Variants in CAMTA1 observed in about 807,000 individuals in gnomAD.
CAMTA1 encodes calmodulin-binding transcription activator 1.
A neutral mutation model predicts 170.9 loss-of-function variants in CAMTA1; 27 were observed. That is an observed-to-expected ratio of 0.16 (90% confidence interval 0.12 to 0.22). The LOEUF (loss-of-function observed/expected upper bound fraction) is 0.22. CAMTA1 is among the 10% of genes least tolerant of loss of function. The pLI is 1.00. For synonymous variants in CAMTA1, 833 were observed against 891.5 expected (o/e 0.93, Z 1.17); for missense variants, 1,619 against 2,217.2 (o/e 0.73, Z 5.42).
intron 3 of CAMTA1, among the ~76,000 whole-genome samples, chr1:6,962,690 A>T (rs141940688): frequency 0.028 from 1,361 of 49,346 alleles, 25 homozygotes; most frequent in African/African-American, 0.095. Context: ...ACGTGGCCCC[A>T]CCCACTCCCT....
chr1:7,449,653 C>G (rs1240601263), intron 5 of CAMTA1, among the ~76,000 whole-genome samples: 1 of 151,450 alleles, frequency 6.6e-6, no homozygotes, highest in Admixed American at 6.6e-5. Context: ...GTCTGTAATC[C>G]CAGCTACTTG....
At chr1:7,460,970 C>T (rs944144736) in intron 5 of CAMTA1, among the ~76,000 whole-genome samples, 8 of 152,270 alleles carry the variant, frequency 5.3e-5, no homozygotes, top group South Asian at 2.1e-4. Flanking sequence ...TGACCCCTAC[C>T]GGTGGCCTGG....
At chr1:7,130,123 G>T (rs1645165149) in intron 4 of CAMTA1, among the ~76,000 whole-genome samples, 1 of 152,074 alleles carries the variant, frequency 6.6e-6, no homozygotes, top group Non-Finnish European at 1.5e-5. Context: ...ATTTTTAGTA[G>T]AGACGGGGTT....
At chr1:7,449,260 C>T (rs377760758) in intron 5 of CAMTA1, among the ~76,000 whole-genome samples, 7 of 152,182 alleles carry the variant, frequency 4.6e-5, no homozygotes, top group East Asian at 3.9e-4. Flanking sequence ...CTTAACCCAG[C>T]GAAGCTGCAC....
At chr1:7,649,567 G>A (rs1426442244) in intron 7 of CAMTA1, among the ~76,000 whole-genome samples, 5 of 130,624 alleles carry the variant, frequency 3.8e-5, no homozygotes, top group African/African-American at 9.4e-5. Context: ...TGACTTGAGT[G>A]TGGGGCTTCC....
In CAMTA1 at chr1:7,685,570, C is replaced by T. The variant is rs1297501370; in HGVS notation, c.2914+7837C>T. On this transcript the variant is annotated intron_variant, in intron 11 of 22. Coordinates refer to ENST00000303635, the MANE Select transcript of CAMTA1 (RefSeq NM_015215.4). This position sits in a 1 kb window ranked among gnomAD's most constrained non-coding sequence, Gnocchi z 5.7. The stretch of plus-strand genomic sequence containing the variant: ...GATTCTGCCCCTCCCTCCCACTCCC[C>T]TGCTTGCTCCTCAGTCTCCAAGCTT... Among the ~76,000 whole-genome samples the T allele has an allele frequency of 2.0e-5, 3 of 152,216 alleles. No homozygotes were observed. The highest frequency in any genetic ancestry group is 4.4e-5 in the Non-Finnish European group (3 of 68,038).
intron 6 of CAMTA1, among the ~76,000 whole-genome samples, chr1:7,627,661 C>T (rs929203372): frequency 3.3e-5 from 5 of 152,218 alleles, no homozygotes; most frequent in African/African-American, 1.2e-4. Flanking sequence ...GTCTCTGGAG[C>T]ACACACTCTC....
chr1:7,413,727 T>C (rs1235956193), intron 5 of CAMTA1, among the ~76,000 whole-genome samples: 2 of 152,320 alleles, frequency 1.3e-5, no homozygotes, highest in South Asian at 2.1e-4. Flanking sequence ...CTTCCTCTTT[T>C]CCTAATTGAA....
At chr1:6,961,663 C>T (rs1298326002) in intron 3 of CAMTA1, among the ~76,000 whole-genome samples, 1 of 152,120 alleles carries the variant, frequency 6.6e-6, no homozygotes, top group Non-Finnish European at 1.5e-5. Context: ...TGGCAGTGAC[C>T]TTTCTTAGGT....
intron 6 of CAMTA1, among the ~76,000 whole-genome samples, chr1:7,491,313 G>C (rs529823468): frequency 6.6e-6 from 1 of 152,126 alleles, no homozygotes. Context: ...ACTTAAGGAC[G>C]GGCACGGGTG....
rs969077771 is a variant in CAMTA1, at chr1:7,013,209, C to CTTTTTTTTTTTTTTTTTTTT, written c.235-78091_235-78072dup. Among the ~76,000 whole-genome samples, 2 of 84,194 alleles carry CTTTTTTTTTTTTTTTTTTTT rather than the reference C, an allele frequency of 2.4e-5. 1 individual carries two copies. Among genetic ancestry groups the CTTTTTTTTTTTTTTTTTTTT allele is most frequent in the African/African-American group, 1.1e-4 (2 of 18,808 alleles). The allele number at this position is 84,194 out of a possible 152,430, so 55.2% of individuals were successfully genotyped here. ...TCCAGGCCCTGCCTTTGCCCTTCTT[C>CTTTTTTTTTTTTTTTTTTTT]TTTTTTTTTTTTTTTTTTTTTTTGA... On this transcript the variant is annotated intron_variant, in intron 3 of 22. Coordinates refer to ENST00000303635, the MANE Select transcript of CAMTA1 (RefSeq NM_015215.4).
At chr1:6,856,206 G>A (rs906321841) in intron 3 of CAMTA1, among the ~76,000 whole-genome samples, 1 of 151,890 alleles carries the variant, frequency 6.6e-6, no homozygotes, top group Non-Finnish European at 1.5e-5. Context: ...GGAGCTGGAC[G>A]CCATACAATT....
rs773545931 is a variant in CAMTA1, at chr1:7,248,861, G to A, written c.303-630G>A. 2.6e-5 allele frequency among the ~76,000 whole-genome samples: 4 copies of A among 152,196 alleles called. No homozygotes were observed. The highest frequency in any genetic ancestry group is 6.5e-5 in the Admixed American group (1 of 15,278). On this transcript the variant is annotated intron_variant, in intron 4 of 22. Transcript: ENST00000303635. The surrounding 1 kb of genome is among the most constrained non-coding windows in gnomAD (Gnocchi z 4.0). ...ACTGAATAGATGACTTTACCTGGCAGTATCTGAGACCCCTGACAGCTGAAG... is the reference window on the plus strand; with the variant it reads ...ACTGAATAGATGACTTTACCTGGCAATATCTGAGACCCCTGACAGCTGAAG...
intron 11 of CAMTA1, among the ~76,000 whole-genome samples, chr1:7,705,138 T>A (rs905180024): frequency 6.7e-6 from 1 of 149,006 alleles, no homozygotes; most frequent in Non-Finnish European, 1.5e-5. Flanking sequence ...CGCGCGTTTC[T>A]GGCGCGAGTG....
chr1:7,709,500 CTA>C (rs1261073877), intron 11 of CAMTA1, among the ~76,000 whole-genome samples: 2 of 152,204 alleles, frequency 1.3e-5, no homozygotes, highest in Non-Finnish European at 2.9e-5. Context: ...GAAAATCAAT[CTA>C]TGTGGATGTG....
chr1:7,270,695 A>G (rs1410629462), intron 5 of CAMTA1, among the ~76,000 whole-genome samples: 1 of 152,124 alleles, frequency 6.6e-6, no homozygotes, highest in Non-Finnish European at 1.5e-5. Context: ...GAAATGGTAA[A>G]TATGGCTGGA....
At chr1:7,139,000 AAT>A (rs1365500875) in intron 4 of CAMTA1, among the ~76,000 whole-genome samples, 172 of 144,598 alleles carry the variant, frequency 1.2e-3, no homozygotes, top group Middle Eastern at 3.6e-3. Flanking sequence ...GTCTCAAAAA[AAT>A]ATATATATAT....
In CAMTA1 at chr1:7,737,301, A is replaced by T; in HGVS notation, c.3389A>T (p.Tyr1130Phe). Reference sequence around the variant, plus strand: ...CACTTGGAAGCTGCCGTCGTGCTGTACAAGTGGGACCGTCGGGCCATCTCG... The same window carrying T: ...CACTTGGAAGCTGCCGTCGTGCTGTTCAAGTGGGACCGTCGGGCCATCTCG... ...LGHLEAAVVL[Y>F]KWDRRAISIP... The change falls in exon 15 of 23, where the codon TAC (tyrosine) becomes TTC (phenylalanine). Residue 1130 changes from tyrosine to phenylalanine, a missense_variant. Tyr to Phe is a conservative substitution (Grantham distance 22, BLOSUM62 3). Coordinates refer to ENST00000303635, the MANE Select transcript of CAMTA1 (RefSeq NM_015215.4). The T allele has an allele frequency of 6.2e-7, 1 of 1,614,146 alleles. No individual in the cohort carries two copies. The highest frequency in any genetic ancestry group is 8.5e-7 in the Non-Finnish European group (1 of 1,180,026).
At position 7,144,962 on chromosome 1, in the gene CAMTA1, C is replaced by G. The variant is rs1646099337; in HGVS notation, c.302+53591C>G. Among the ~76,000 whole-genome samples the G allele has an allele frequency of 6.6e-6, 1 of 152,270 alleles. No homozygotes were observed. Among genetic ancestry groups the G allele is most frequent in the Non-Finnish European group, 1.5e-5 (1 of 68,046 alleles). On this transcript the variant is annotated intron_variant, in intron 4 of 22. Transcript: ENST00000303635. This position sits in a 1 kb window ranked among gnomAD's most constrained non-coding sequence, Gnocchi z 4.0. Reference sequence around the variant, plus strand: ...CAGGAAGGCCGAGTAACCTCTCAAGCTCTGCAGCGGTTGGGAGGCTGAGCT... The same window carrying G: ...CAGGAAGGCCGAGTAACCTCTCAAGGTCTGCAGCGGTTGGGAGGCTGAGCT...
Sources: allele counts gnomAD v4.1 joint callset (sites outside exome capture counted in the v4.1 genomes callset), GRCh38; gene constraint gnomAD v4.1.1; non-coding constraint Gnocchi (gnomAD v3.1); transcripts MANE v1.5; gene names NCBI Gene and HGNC (gene_info 2026-07-23, HGNC 2026-07-21).